PDE1A: variants seen among roughly 807,000 people sequenced by gnomAD.
PDE1A encodes phosphodiesterase 1A, also known as dual specificity calcium/calmodulin-dependent 3',5'-cyclic nucleotide phosphodiesterase 1A.
In PDE1A, 35 loss-of-function variants were observed where a neutral mutation model predicts 61.7. The observed-to-expected ratio is 0.57, with a 90% CI of 0.43 to 0.75. PDE1A has a LOEUF of 0.75. Among genes scored for constraint, PDE1A ranks in the 30% least tolerant of loss-of-function variants. PDE1A has a pLI of 0.00. For synonymous variants in PDE1A, 232 were observed against 213.2 expected, an observed-to-expected ratio of 1.09 and a Z score of -0.77; for missense variants, 597 against 630.6, an observed-to-expected ratio of 0.95 and a Z score of 0.57.
chr2:182,622,985 G>T, the PDE1A span, among the ~76,000 whole-genome samples: 1 of 152,110 alleles, frequency 6.6e-6, no homozygotes, highest in South Asian at 2.1e-4. Flanking sequence ...AGAGGATATG[G>T]CTTAATTAAC....
chr2:182,169,918 A>G (rs111536051), intron 13 of PDE1A, among the ~76,000 whole-genome samples: 29,447 of 89,168 alleles, frequency 0.33, 3,137 homozygotes, highest in East Asian at 0.48. Flanking sequence ...ACACACACAC[A>G]CACGCACACA....
At chr2:182,561,367 GAT>G in the PDE1A span, among the ~76,000 whole-genome samples, 5 of 152,006 alleles carry the variant, frequency 3.3e-5, no homozygotes, top group Non-Finnish European at 7.4e-5. Flanking sequence ...GATAGTTGTA[GAT>G]ATGAGGTGTT....
intron 2 of PDE1A, among the ~76,000 whole-genome samples, chr2:182,496,689 T>C (rs994966955): frequency 6.6e-6 from 1 of 152,260 alleles, no homozygotes; most frequent in Non-Finnish European, 1.5e-5. Context: ...GAGACAATTG[T>C]ATTGGCTGGA....
intron 1 of PDE1A, among the ~76,000 whole-genome samples, chr2:182,422,987 G>C (rs1009937748): frequency 6.6e-6 from 1 of 152,106 alleles, no homozygotes; most frequent in African/African-American, 2.4e-5. Flanking sequence ...AAGGAGCATC[G>C]TGTTTTCTCA....
At chr2:182,486,994 G>A (rs1342135231) in intron 2 of PDE1A, among the ~76,000 whole-genome samples, 1 of 152,088 alleles carries the variant, frequency 6.6e-6, no homozygotes, top group Non-Finnish European at 1.5e-5. Flanking sequence ...GTAATAAACT[G>A]AGAAAAAATA....
chr2:182,511,738 A>G (rs1331699655), intron 2 of PDE1A, among the ~76,000 whole-genome samples: 1 of 152,090 alleles, frequency 6.6e-6, no homozygotes, highest in African/African-American at 2.4e-5. Context: ...CCTGTTTGCC[A>G]GCCTCTCCCC....
upstream of PDE1A, among the ~76,000 whole-genome samples, chr2:182,431,989 T>C (rs1157662313): frequency 6.6e-6 from 1 of 152,124 alleles, no homozygotes; most frequent in Non-Finnish European, 1.5e-5. Context: ...GATATCAAGG[T>C]GAATTGAATA....
the PDE1A span, among the ~76,000 whole-genome samples, chr2:182,540,650 AT>A: frequency 6.6e-6 from 1 of 152,074 alleles, no homozygotes; most frequent in Non-Finnish European, 1.5e-5. Flanking sequence ...GTAAAGCCAT[AT>A]TTTTTACATT....
At chr2:182,414,959 T>C (rs2125543827) in intron 1 of PDE1A, among the ~76,000 whole-genome samples, 2 of 152,298 alleles carry the variant, frequency 1.3e-5, no homozygotes, top group Non-Finnish European at 2.9e-5. Context: ...GGTCATTTGG[T>C]ACAACTGTTC....
intron 2 of PDE1A, among the ~76,000 whole-genome samples, chr2:182,471,861 A>G (rs1329394081): frequency 6.6e-6 from 1 of 151,826 alleles, no homozygotes; most frequent in Non-Finnish European, 1.5e-5. Flanking sequence ...CAACTCAACA[A>G]CAAAAAATTC....
At chr2:182,174,782 A>T (rs1692575746) in intron 13 of PDE1A, among the ~76,000 whole-genome samples, 2 of 151,990 alleles carry the variant, frequency 1.3e-5, no homozygotes, top group Admixed American at 6.6e-5. Flanking sequence ...TCTGGGATAC[A>T]TGTGCAGAAT....
At chr2:182,474,330 A>G (rs1315241530) in intron 2 of PDE1A, among the ~76,000 whole-genome samples, 1 of 152,050 alleles carries the variant, frequency 6.6e-6, no homozygotes, top group East Asian at 1.9e-4. Flanking sequence ...AAAGGACCCA[A>G]CAGGAATGCC....
chr2:182,388,905 G>A (rs532427937), intron 1 of PDE1A, among the ~76,000 whole-genome samples: 10 of 151,692 alleles, frequency 6.6e-5, no homozygotes, highest in Non-Finnish European at 1.2e-4. Flanking sequence ...CCTATAGCTA[G>A]ACTAAGAAAA....
intron 1 of PDE1A, among the ~76,000 whole-genome samples, chr2:182,299,720 A>T (rs913121607): frequency 2.6e-5 from 4 of 151,950 alleles, no homozygotes; most frequent in African/African-American, 7.3e-5. Context: ...GAAATGATAA[A>T]TTTTTTTCCA....
chr2:182,269,035 A>T (rs1267468488), intron 1 of PDE1A, among the ~76,000 whole-genome samples: 1 of 152,202 alleles, frequency 6.6e-6, no homozygotes, highest in Non-Finnish European at 1.5e-5. Context: ...AAAGAAGATA[A>T]ATTAGTAGAC....
intron 1 of PDE1A, among the ~76,000 whole-genome samples, chr2:182,331,904 G>A (rs551530197): frequency 1.9e-4 from 29 of 152,248 alleles, no homozygotes; most frequent in African/African-American, 6.5e-4. Context: ...TGCCTTGCTA[G>A]GTTGGGGAAG....
At chr2:182,394,690 A>G (rs2125408640) in intron 1 of PDE1A, among the ~76,000 whole-genome samples, 1 of 152,310 alleles carries the variant, frequency 6.6e-6, no homozygotes, top group African/African-American at 2.4e-5. Flanking sequence ...CAGTGTATCC[A>G]ATGCATTCCT....
chr2:182,560,678 C>CAACAGTGT, the PDE1A span, among the ~76,000 whole-genome samples: 2 of 152,152 alleles, frequency 1.3e-5, no homozygotes, highest in Non-Finnish European at 2.9e-5. Context: ...ACAGTCCCAC[C>CAACAGTGT]AACAGTGTAA....
In PDE1A at chr2:182,206,465, CG is replaced by C. The variant is rs1687111800; in HGVS notation, c.777-401del. Among the ~76,000 whole-genome samples the C allele has an allele frequency of 2.0e-5, 3 of 152,246 alleles. No homozygotes were observed. In the South Asian group the frequency reaches 6.2e-4, roughly 32 times the overall value. ...CACTCTTGGTGTTGTACATTCTATG[CG>C]TTTAGACAAGTGAATAATGACATGT... On this transcript the variant is annotated intron_variant, in intron 7 of 13. Transcript: ENST00000351439.
Sources: gnomAD v4.1 joint callset for allele counts (sites outside exome capture counted in the v4.1 genomes callset) on GRCh38, gnomAD v4.1.1 for gene constraint, MANE v1.5 for transcripts, NCBI Gene and HGNC (gene_info 2026-07-23, HGNC 2026-07-21) for gene names.